GAL3ST1: variants seen among roughly 807,000 people sequenced by gnomAD.
GAL3ST1 encodes galactose-3-O-sulfotransferase 1.
In GAL3ST1, 13 loss-of-function variants were observed where a neutral mutation model predicts 25.0. The observed-to-expected ratio is 0.52, with a 90% CI of 0.34 to 0.83. The LOEUF is 0.83. GAL3ST1 is among the 40% of genes least tolerant of loss of function. The pLI, the probability that GAL3ST1 is intolerant of heterozygous loss-of-function variation, is 0.02. For missense variants in GAL3ST1, 474 were observed against 613.6 expected, an observed-to-expected ratio of 0.77 and a Z score of 2.40; for synonymous variants, 274 against 277.8, an observed-to-expected ratio of 0.99 and a Z score of 0.14.
chr22:30,557,563 C>T, intron 2 of GAL3ST1, 162 bp from the exon 3 acceptor site: 1 of 680,802 alleles, frequency 1.5e-6, no homozygotes, highest in South Asian at 2.1e-5. Flanking sequence ...AGACTGACAA[C>T]CACCTGGAAA....
At chr22:30,573,132 G>A (rs1011296240) in intron 1 of GAL3ST1, among the ~76,000 whole-genome samples, 8 of 152,164 alleles carry the variant, frequency 5.3e-5, no homozygotes, top group African/African-American at 1.4e-4. Flanking sequence ...CTCGGCTCCC[G>A]GGGTAGCAGC....
At chr22:30,557,690 G>A (rs2086124607) in intron 2 of GAL3ST1, 1 of 302,608 alleles carries the variant, frequency 3.3e-6, no homozygotes, top group East Asian at 5.5e-5. Context: ...GAGAACCAGG[G>A]CCCCAAACTT....
chr22:30,557,898 G>A (rs7286285), intron 2 of GAL3ST1, among the ~76,000 whole-genome samples: 3,125 of 150,480 alleles, frequency 0.021, 52 homozygotes, highest in Middle Eastern at 0.048. Context: ...CCCAGATCCT[G>A]AAGTTATTTT....
chr22:30,556,141 C>T (rs1416035392), intron 3 of GAL3ST1, 48 bp from the exon 4 acceptor site: 1 of 1,424,110 alleles, frequency 7.0e-7, no homozygotes. Context: ...GTGCTGGGGC[C>T]CTCAGGACTC....
chr22:30,573,493 G>A (rs1555889299), intron 1 of GAL3ST1, among the ~76,000 whole-genome samples: 1 of 152,194 alleles, frequency 6.6e-6, no homozygotes, highest in Non-Finnish European at 1.5e-5. Context: ...GCCCTCCTGT[G>A]CCCCCTGTGT....
In GAL3ST1 at chr22:30,559,399, C is replaced by A. The variant is rs111802606; in HGVS notation, c.-119-1011G>T. Among the ~76,000 whole-genome samples the A allele has an allele frequency of 1.3e-4, 20 of 152,140 alleles. 1 individual carries two copies. The highest frequency in any genetic ancestry group is 1.3e-3 in the Admixed American group (20 of 15,282). On this transcript the variant is annotated intron_variant, in intron 1 of 3. Coordinates refer to ENST00000406361, the MANE Select transcript of GAL3ST1 (RefSeq NM_001318104.2). ...GGGATTACAGGCACACGCCACCACA[C>A]CCAGCTAATTTTTGTATTTTTAGTA...
At chr22:30,565,758 A>G (rs2086601038) in intron 1 of GAL3ST1, among the ~76,000 whole-genome samples, 1 of 152,016 alleles carries the variant, frequency 6.6e-6, no homozygotes, top group Admixed American at 6.6e-5. Flanking sequence ...AGCCCCAGGA[A>G]CCCTAGGACT....
chr22:30,566,819 C>T (rs1446399066), intron 1 of GAL3ST1, among the ~76,000 whole-genome samples: 1 of 152,060 alleles, frequency 6.6e-6, no homozygotes, highest in Non-Finnish European at 1.5e-5. Context: ...CCGTGTTAGC[C>T]AGGATGGTCT....
intron 1 of GAL3ST1, among the ~76,000 whole-genome samples, chr22:30,567,632 G>A (rs908761072): frequency 6.6e-6 from 1 of 151,838 alleles, no homozygotes; most frequent in Non-Finnish European, 1.5e-5. Context: ...CCCACCTATC[G>A]ATAAATTGTG....
chr22:30,570,586 C>G (rs189576877), intron 1 of GAL3ST1, among the ~76,000 whole-genome samples: 5 of 152,116 alleles, frequency 3.3e-5, no homozygotes, highest in Admixed American at 2.6e-4. Flanking sequence ...CACCTGAGGT[C>G]GGGAGTTTGA....
chr22:30,563,014 G>T (rs1029229592), intron 1 of GAL3ST1, among the ~76,000 whole-genome samples: 2 of 152,188 alleles, frequency 1.3e-5, no homozygotes, highest in African/African-American at 2.4e-5. Flanking sequence ...TACTTGGGAG[G>T]CTGAGGCAGG....
intron 3 of GAL3ST1, among the ~76,000 whole-genome samples, 196 bp downstream of exon 3, chr22:30,557,066 A>G (rs1420391577): frequency 6.6e-6 from 1 of 152,194 alleles, no homozygotes; most frequent in African/African-American, 2.4e-5. Context: ...CACTTCACAG[A>G]TGGGCACACC....
rs2086855811 is a variant in GAL3ST1 at position 30,574,623 on chromosome 22, T to G, written c.-277A>C. The G allele has an allele frequency of 7.3e-6, 1 of 136,574 alleles. No individual in the cohort carries two copies. Among genetic ancestry groups the G allele is most frequent in the Non-Finnish European group, 1.6e-5 (1 of 62,644 alleles). 8.5% of individuals were successfully genotyped at this position (136,574 alleles called of 1,614,324 possible). A position where few individuals can be genotyped will look rare whatever the true frequency, so the allele number is the denominator to read the frequency against. On this transcript the variant is annotated 5_prime_UTR_variant, in exon 1 of 4. Coordinates refer to ENST00000406361, the MANE Select transcript of GAL3ST1 (RefSeq NM_001318104.2). Reference sequence around the variant, plus strand: ...GCCGCCGCTGCCGCGCCGCGCCCGCTCCCGCGCCGCGCCCGCTCCCGGCCA... The same window carrying G: ...GCCGCCGCTGCCGCGCCGCGCCCGCGCCCGCGCCGCGCCCGCTCCCGGCCA...
chr22:30,556,165 G>T, intron 3 of GAL3ST1, 72 bp from the exon 4 acceptor site: 1 of 1,243,456 alleles, frequency 8.0e-7, no homozygotes, highest in Non-Finnish European at 1.1e-6. Flanking sequence ...TAGTTAGAGA[G>T]GGAGATTATT....
chr22:30,564,574 C>T (rs936828394), intron 1 of GAL3ST1, among the ~76,000 whole-genome samples: 10 of 152,348 alleles, frequency 6.6e-5, no homozygotes, highest in South Asian at 2.1e-4. Context: ...TTCTAGATTA[C>T]GCCCATCACA....
intron 1 of GAL3ST1, among the ~76,000 whole-genome samples, chr22:30,559,322 C>A (rs1373502686): frequency 6.6e-6 from 1 of 152,076 alleles, no homozygotes; most frequent in African/African-American, 2.4e-5. Flanking sequence ...CTCCCTGCAA[C>A]CTTTGACTCC....
At chr22:30,574,220 T>A (rs1452733848) in intron 1 of GAL3ST1, among the ~76,000 whole-genome samples, 1 of 151,590 alleles carries the variant, frequency 6.6e-6, no homozygotes, top group Admixed American at 6.6e-5. Context: ...GGAAGGGGGG[T>A]TGGGGGACAG....
At chr22:30,557,824 C>A (rs2086134615) in intron 2 of GAL3ST1, 1 of 150,450 alleles carries the variant, frequency 6.6e-6, no homozygotes, top group African/African-American at 2.5e-5. Flanking sequence ...TCTTCTGTTT[C>A]TTTTTCTTGT....
chr22:30,555,377 T>G lies in GAL3ST1; in HGVS notation c.848A>C (p.Asp283Ala), dbSNP rs903076173. The G allele has an allele frequency of 6.2e-7, 1 of 1,603,176 alleles. No homozygotes were observed. Among genetic ancestry groups the G allele is most frequent in the Non-Finnish European group, 8.5e-7 (1 of 1,178,298 alleles). ...VLYFKLNARR[D>A]SPVPRLSGEL... ...CCCCGAGAGCCGCGGCACGGGCGAG[T>G]CGCGGCGGGCGTTGAGCTTGAAGTA... Residue 283 changes from aspartate (D) to alanine (A), a missense_variant, in exon 4 of 4, where the codon GAC becomes GCC. Asp to Ala is a moderately radical substitution (Grantham distance 126). Transcript: ENST00000406361. This position sits in a 1 kb window ranked among gnomAD's most constrained non-coding sequence, Gnocchi z 8.6.
Sources: allele counts gnomAD v4.1 joint callset (sites outside exome capture counted in the v4.1 genomes callset), GRCh38; gene constraint gnomAD v4.1.1; non-coding constraint Gnocchi (gnomAD v3.1); transcripts MANE v1.5; gene names NCBI Gene and HGNC (gene_info 2026-07-23, HGNC 2026-07-21).